The following TEX36 variants were observed in gnomAD, a reference collection of about 807,000 sequenced individuals.
TEX36 encodes testis expressed 36.
In TEX36, 12 loss-of-function variants were observed where a neutral mutation model predicts 13.6. That is an observed-to-expected ratio of 0.88 (90% confidence interval 0.56 to 1.43). TEX36 has a LOEUF of 1.43. Among genes scored for constraint, TEX36 ranks in the 40% most tolerant of loss-of-function variants. TEX36 has a pLI of 0.00. For missense variants in TEX36, 224 were observed against 228.3 expected (o/e 0.98, Z 0.12); for synonymous variants, 93 against 83.0 (o/e 1.12, Z -0.65).
At chr10:125,583,211 G>A (rs1266444408) in intron 3 of TEX36, among the ~76,000 whole-genome samples, 2 of 151,816 alleles carry the variant, frequency 1.3e-5, no homozygotes, top group African/African-American at 2.4e-5. Context: ...TAATTTGAAC[G>A]GGTGGAGAGG....
chr10:125,576,766 G>A (rs376535175), exon 4 of TEX36: 216 of 1,535,260 alleles, frequency 1.4e-4, no homozygotes, highest in Non-Finnish European at 1.8e-4. Flanking sequence ...GCAAGGAGGG[G>A]TGCATTAGTT....
At chr10:125,622,418 G>A (rs1339634738) in intron 3 of TEX36, among the ~76,000 whole-genome samples, 1 of 152,210 alleles carries the variant, frequency 6.6e-6, no homozygotes, top group Admixed American at 6.5e-5. Flanking sequence ...GACAATTACA[G>A]TCTTCATTTC....
intron 3 of TEX36, among the ~76,000 whole-genome samples, chr10:125,642,844 A>ATTGGTTGG (rs532374798): frequency 3.9e-5 from 6 of 152,144 alleles, no homozygotes; most frequent in Middle Eastern, 3.4e-3. Context: ...ATTTAATCGC[A>ATTGGTTGG]TTGGTTGGTT....
chr10:125,638,459 G>T (rs942308306), intron 3 of TEX36, among the ~76,000 whole-genome samples: 2 of 152,174 alleles, frequency 1.3e-5, no homozygotes, highest in East Asian at 3.8e-4. Context: ...AGAGGGAAAA[G>T]AAATGGATTC....
intron 3 of TEX36, among the ~76,000 whole-genome samples, chr10:125,613,267 TTA>T (rs1420703758): frequency 1.4e-5 from 2 of 144,272 alleles, no homozygotes; most frequent in Non-Finnish European, 1.5e-5. Context: ...ATTTATTTAT[TTA>T]TTTATTTATT....
intron 1 of TEX36, among the ~76,000 whole-genome samples, chr10:125,669,168 G>A (rs1847177200): frequency 6.6e-6 from 1 of 152,192 alleles, no homozygotes; most frequent in African/African-American, 2.4e-5. Flanking sequence ...GTGTGCACCT[G>A]TAGTCCCAGC....
chr10:125,645,511 C>A (rs1042773623), intron 3 of TEX36, among the ~76,000 whole-genome samples: 2 of 152,150 alleles, frequency 1.3e-5, no homozygotes, highest in African/African-American at 4.8e-5. Flanking sequence ...AGCAAGAAGG[C>A]CCTCACCAGA....
At position 125,667,807 on chromosome 10, in the gene TEX36, G is replaced by A. The variant is rs146355897; in HGVS notation, c.52-5830C>T. 5.9e-4 allele frequency: 689 copies of A among 1,173,122 alleles called. 2 individuals carry two copies. Among genetic ancestry groups the A allele is most frequent in the Non-Finnish European group, 8.2e-4 (648 of 788,726 alleles). The allele number at this position is 1,173,122 out of a possible 1,614,324, so 72.7% of individuals were successfully genotyped here. A position where few individuals can be genotyped will look rare whatever the true frequency, so the allele number is the denominator to read the frequency against. On this transcript the variant is annotated intron_variant, in intron 1 of 3. Coordinates refer to ENST00000368821, the MANE Select transcript of TEX36 (RefSeq NM_001128202.3). ...GCCAGTTCTCTTTGGTGTTCTCGGC[G>A]TTAAGGGACTGCAGCCGCTTGGCAA...
At chr10:125,582,777 G>T (rs1026202566) in intron 3 of TEX36, among the ~76,000 whole-genome samples, 2 of 152,020 alleles carry the variant, frequency 1.3e-5, no homozygotes, top group Non-Finnish European at 2.9e-5. Context: ...AGATAAATTG[G>T]TTTTTTTAAA....
chr10:125,634,770 C>T (rs1185020877), intron 3 of TEX36, among the ~76,000 whole-genome samples: 2 of 152,150 alleles, frequency 1.3e-5, no homozygotes, highest in East Asian at 3.8e-4. Context: ...GTGCTGAAAA[C>T]ATCCACCAGT....
intron 3 of TEX36, among the ~76,000 whole-genome samples, chr10:125,640,973 C>T (rs1424991985): frequency 6.6e-6 from 1 of 151,584 alleles, no homozygotes; most frequent in Non-Finnish European, 1.5e-5. Context: ...CATCTCTCCC[C>T]CCTCCCCCGG....
chr10:125,658,401 G>A (rs1040450147), intron 3 of TEX36, among the ~76,000 whole-genome samples: 1 of 151,680 alleles, frequency 6.6e-6, no homozygotes, highest in Non-Finnish European at 1.5e-5. Context: ...AGAAAGATAA[G>A]GTATTAAACT....
chr10:125,592,613 T>G (rs1040397633), intron 3 of TEX36, among the ~76,000 whole-genome samples: 1 of 152,024 alleles, frequency 6.6e-6, no homozygotes, highest in African/African-American at 2.4e-5. Flanking sequence ...TTTCATTCAG[T>G]TTTGACACTA....
intron 1 of TEX36, among the ~76,000 whole-genome samples, chr10:125,679,147 G>GC (rs1234159362): frequency 3.6e-5 from 3 of 82,518 alleles, no homozygotes; most frequent in South Asian, 4.7e-4. Context: ...CACCCCCCCC[G>GC]CCCCCGCCAA....
rs139330919 is a variant in TEX36, at chr10:125,645,394, C to G, written c.264+15627G>C. ...GGTTATCATGGAAGGGGGACAGGTG[C>G]CTTGATAATAAGAGAAAGAAAGACC... On this transcript the variant is annotated intron_variant, in intron 3 of 3. Transcript: ENST00000526819. Among the ~76,000 whole-genome samples, 34 of 152,050 alleles carry G rather than the reference C, an allele frequency of 2.2e-4. No individual in the cohort carries two copies. In the East Asian group the frequency reaches 6.0e-3, roughly 27 times the overall value.
At chr10:125,650,971 C>G (rs1176677303), downstream of TEX36, among the ~76,000 whole-genome samples, 2 of 152,168 alleles carry the variant, frequency 1.3e-5, no homozygotes, top group African/African-American at 2.4e-5. Context: ...CCTGAATAGA[C>G]CAATAACAGG....
intron 3 of TEX36, among the ~76,000 whole-genome samples, chr10:125,607,358 T>C (rs1846227306): frequency 6.6e-6 from 1 of 152,252 alleles, no homozygotes; most frequent in Non-Finnish European, 1.5e-5. Context: ...AAGGTCTATT[T>C]TGTCATTTTA....
Position 125,667,173 on chromosome 10 carries a change from G to A in TEX36, c.52-5196C>T, listed in dbSNP as rs1037432301. ...TCCCAGGGACAGCGGGGGGCACTGT[G>A]CGGTGCAGCGTTGTGACAGTCACCA... On this transcript the variant is annotated intron_variant, in intron 1 of 3. Transcript: ENST00000368821. 1.8e-5 allele frequency: 12 copies of A among 659,664 alleles called. No homozygotes were observed. The African/African-American group carries it at 2.2e-4, about 12-fold the overall frequency. 40.9% of individuals were successfully genotyped at this position (659,664 alleles called of 1,614,324 possible). A position where few individuals can be genotyped will look rare whatever the true frequency, so the allele number is the denominator to read the frequency against.
intron 1 of TEX36, among the ~76,000 whole-genome samples, chr10:125,669,456 G>T (rs1223347167): frequency 1.3e-5 from 2 of 151,910 alleles, no homozygotes; most frequent in African/African-American, 4.8e-5. Context: ...CTCCAGCCTG[G>T]GCAACAAGAG....
Sources: allele counts gnomAD v4.1 joint callset (sites outside exome capture counted in the v4.1 genomes callset), GRCh38; gene constraint gnomAD v4.1.1; transcripts MANE v1.5; gene names NCBI Gene and HGNC (gene_info 2026-07-23, HGNC 2026-07-21).